The following IGFBP3 variants were observed in gnomAD, a reference collection of about 807,000 sequenced individuals.
The protein encoded by IGFBP3 is insulin like growth factor binding protein 3, also known as insulin-like growth factor-binding protein 3.
A neutral mutation model predicts 28.6 loss-of-function variants in IGFBP3; 9 were observed. The observed-to-expected ratio is 0.31, with a 90% CI of 0.19 to 0.55. The LOEUF (loss-of-function observed/expected upper bound fraction) is 0.55. Ranked by LOEUF, IGFBP3 falls within the 20% of genes least tolerant of loss-of-function variation. The pLI is 0.93. For synonymous variants in IGFBP3, 185 were observed against 188.2 expected (o/e 0.98, Z 0.14); for missense variants, 382 against 428.9 (o/e 0.89, Z 0.97).
In IGFBP3 at chr7:45,920,714, G is replaced by A. The variant is rs761015427; in HGVS notation, c.403+24C>T. 2.8e-5 allele frequency: 39 copies of A among 1,372,588 alleles called. No homozygotes were observed. The South Asian group carries it at 4.6e-4, about 16-fold the overall frequency. 85.0% of individuals were successfully genotyped at this position (1,372,588 alleles called of 1,614,324 possible). A position where few individuals can be genotyped will look rare whatever the true frequency, so the allele number is the denominator to read the frequency against. The stretch of plus-strand genomic sequence containing the variant: ...GCCAGTGCGCCGGGTGCTGCACGCA[G>A]CGCACCTGGCGCGGGCGGCTCACCT... On this transcript the variant is annotated intron_variant, in intron 1 of 4. Transcript: ENST00000613132.
chr7:45,916,895 T>G, intron 2 of IGFBP3: 1 of 560,672 alleles, frequency 1.8e-6, no homozygotes, highest in Non-Finnish European at 3.2e-6. Context: ...ATGGAACCAA[T>G]AGCAGGTCAA....
At chr7:45,920,689 G>A in intron 1 of IGFBP3, 49 bp downstream of exon 1, 2 of 1,322,908 alleles carry the variant, frequency 1.5e-6, no homozygotes, top group South Asian at 2.0e-5. Context: ...GCCCTTCGGC[G>A]CCAGTGCGCC....
rs1784678613 is a variant in IGFBP3 at position 45,920,913 on chromosome 7, G to A, written c.228C>T (p.Ser76=). 7.0e-7 allele frequency: 1 copy of A among 1,433,404 alleles called. No homozygotes were observed. The highest frequency in any genetic ancestry group is 9.1e-7 in the Non-Finnish European group (1 of 1,100,688). 88.8% of individuals were successfully genotyped at this position (1,433,404 alleles called of 1,614,324 possible). A position where few individuals can be genotyped will look rare whatever the true frequency, so the allele number is the denominator to read the frequency against. The change falls in exon 1 of 5, where the codon AGC becomes AGT. Residue 76 remains serine (S), a synonymous_variant. Transcript: ENST00000613132. The part of the protein sequence containing the change: ...GCGCCLTCAL[S]EGQPCGIYTE... ...TGTAGATGCCGCACGGCTGGCCCTC[G>A]CTCAGTGCGCACGTCAGGCAGCAGC...
chr7:45,917,291 C>T lies in IGFBP3; in HGVS notation c.552G>A (p.Gln184=). ...GAGACTCGTAGTCAACTTTGTAGCG[C>T]TGGCTGTCTTTAGCATGCCCTTTCT... is the stretch of plus-strand genomic sequence containing the variant. The part of the protein sequence containing the change: ...IIKKGHAKDS[Q]RYKVDYESQS... Residue 184 remains glutamine, a synonymous_variant, in exon 2 of 5, where the codon CAG becomes CAA. Transcript: ENST00000613132. 1 of 1,614,100 alleles carries T rather than the reference C, an allele frequency of 6.2e-7. No homozygotes were observed. Among genetic ancestry groups the T allele is most frequent in the Non-Finnish European group, 8.5e-7 (1 of 1,180,006 alleles).
chr7:45,917,021 A>G (rs905247674), intron 2 of IGFBP3, 192 bp downstream of exon 2: 6 of 600,758 alleles, frequency 1.0e-5, no homozygotes, highest in African/African-American at 1.9e-5. Flanking sequence ...CTTGATCCTC[A>G]TAAGATTCTC....
Position 45,915,014 on chromosome 7 carries a change from C to T in IGFBP3, c.751-69G>A, listed in dbSNP as rs1784591131. The T allele has an allele frequency of 6.4e-6, 10 of 1,570,298 alleles. No individual in the cohort carries two copies. The Admixed American group carries it at 1.4e-4, about 21-fold the overall frequency. On this transcript the variant is annotated intron_variant, in intron 3 of 4. Coordinates refer to ENST00000613132, the MANE Select transcript of IGFBP3 (RefSeq NM_000598.5). Reference sequence around the variant, plus strand: ...TCTGGTGTCAGGTCGGTGGCCAGGGCGCATGATGGTTTGCCAGCGTGACTC... The same window carrying T: ...TCTGGTGTCAGGTCGGTGGCCAGGGTGCATGATGGTTTGCCAGCGTGACTC...
rs1784555418 is a variant in IGFBP3, at chr7:45,912,351, A to T, written c.*1499T>A. ...GATGGTCAATAACAAAGGGAAAGAT[A>T]TTTTTTTAATGGTAAAAACTTTATT... On this transcript the variant is annotated 3_prime_UTR_variant, in exon 5 of 5. Coordinates refer to ENST00000613132, the MANE Select transcript of IGFBP3 (RefSeq NM_000598.5). 1.3e-5 allele frequency: 2 copies of T among 151,948 alleles called. No homozygotes were observed. The highest frequency in any genetic ancestry group is 2.1e-4 in the South Asian group (1 of 4,828). 9.4% of individuals were successfully genotyped at this position (151,948 alleles called of 1,614,324 possible).
chr7:45,920,729 G>C lies in IGFBP3; in HGVS notation c.403+9C>G. 1 of 1,394,404 alleles carries C rather than the reference G, an allele frequency of 7.2e-7. No individual in the cohort carries two copies. Among genetic ancestry groups the C allele is most frequent in the Non-Finnish European group, 9.2e-7 (1 of 1,083,194 alleles). 86.4% of individuals were successfully genotyped at this position (1,394,404 alleles called of 1,614,324 possible). On this transcript the variant is annotated intron_variant, in intron 1 of 4. Transcript: ENST00000613132. ...GCTGCACGCAGCGCACCTGGCGCGG[G>C]CGGCTCACCTGGAGCTGGCGGCGCT... is the stretch of plus-strand genomic sequence containing the variant.
At chr7:45,920,265 G>C (rs1471841257) in intron 1 of IGFBP3, 1 of 159,640 alleles carries the variant, frequency 6.3e-6, no homozygotes, top group Non-Finnish European at 1.4e-5. Context: ...AAACCAAAAG[G>C]CTGTGCAAAG....
In IGFBP3 at chr7:45,913,391, T is replaced by G. The variant is rs1245005883; in HGVS notation, c.*459A>C. 6.6e-6 allele frequency: 1 copy of G among 152,286 alleles called. No homozygotes were observed. The highest frequency in any genetic ancestry group is 1.5e-5 in the Non-Finnish European group (1 of 68,122). 9.4% of individuals were successfully genotyped at this position (152,286 alleles called of 1,614,324 possible). A position where few individuals can be genotyped will look rare whatever the true frequency, so the allele number is the denominator to read the frequency against. ...TGAGCTCCAGGAGCATGCGTTGGGA[T>G]GTCCGGATGACCGGGGTTTAAAGGT... On this transcript the variant is annotated 3_prime_UTR_variant, in exon 5 of 5. Coordinates refer to ENST00000613132, the MANE Select transcript of IGFBP3 (RefSeq NM_000598.5).
chr7:45,917,801 G>A (rs775053463), intron 1 of IGFBP3, among the ~76,000 whole-genome samples: 1 of 152,172 alleles, frequency 6.6e-6, no homozygotes. Flanking sequence ...CTGCAGCGCC[G>A]GCTCAGAAAT....
chr7:45,919,457 C>G (rs1784655636), intron 1 of IGFBP3, among the ~76,000 whole-genome samples: 1 of 152,208 alleles, frequency 6.6e-6, no homozygotes, highest in South Asian at 2.1e-4. Context: ...ATGTTTCAGG[C>G]ATCTTGCCTT....
rs1166718927 is a variant in IGFBP3, at chr7:45,921,155, G to A, written c.-15C>T. The A allele has an allele frequency of 2.0e-6, 3 of 1,503,606 alleles. No homozygotes were observed. Among genetic ancestry groups the A allele is most frequent in the Non-Finnish European group, 2.7e-6 (3 of 1,131,338 alleles). 93.1% of individuals were successfully genotyped at this position (1,503,606 alleles called of 1,614,324 possible). A position where few individuals can be genotyped will look rare whatever the true frequency, so the allele number is the denominator to read the frequency against. The stretch of plus-strand genomic sequence containing the variant: ...GCCCGCTGCATGACGCCTGCAACCG[G>A]GGCACGCTGCTTGGCAGGCTGGGCG... On this transcript the variant is annotated 5_prime_UTR_variant, in exon 1 of 5. Coordinates refer to ENST00000613132, the MANE Select transcript of IGFBP3 (RefSeq NM_000598.5).
At position 45,918,115 on chromosome 7, in the gene IGFBP3, T is replaced by C. The variant is rs959948523; in HGVS notation, c.404-676A>G. 2.8e-4 allele frequency among the ~76,000 whole-genome samples: 42 copies of C among 152,154 alleles called. 1 individual carries two copies. On this transcript the variant is annotated intron_variant, in intron 1 of 4. Transcript: ENST00000613132. ...TGGTGGCTTGTTTTCTAGGTCCCCG[T>C]TACATCTCTAAAACTCAAGGTCTAC... is the stretch of plus-strand genomic sequence containing the variant.
chr7:45,915,341 T>C (rs1784596009), intron 3 of IGFBP3: 2 of 188,412 alleles, frequency 1.1e-5, no homozygotes, highest in African/African-American at 2.4e-5. Context: ...AGTATGACTT[T>C]GTTGAATGAA....
intron 1 of IGFBP3, among the ~76,000 whole-genome samples, chr7:45,919,538 G>C (rs901729305): frequency 1.3e-5 from 2 of 152,128 alleles, no homozygotes; most frequent in African/African-American, 4.8e-5. Context: ...CTTCACCCGG[G>C]CGTGGAACTC....
Position 45,916,682 on chromosome 7 carries a change from G to A in IGFBP3, c.631-15C>T, listed in dbSNP as rs2116577313. On this transcript the variant is annotated splice_polypyrimidine_tract_variant and intron_variant, in intron 2 of 4. Transcript: ENST00000613132. Reference sequence around the variant, plus strand: ...CGGCAGGGACCCTGGGGATCAGGAAGGACCAGAGCAACAGAGTCACAGTTT... The same window carrying A: ...CGGCAGGGACCCTGGGGATCAGGAAAGACCAGAGCAACAGAGTCACAGTTT... The A allele has an allele frequency of 6.2e-7, 1 of 1,606,874 alleles. No homozygotes were observed. The highest frequency in any genetic ancestry group is 2.2e-5 in the East Asian group (1 of 44,616).
chr7:45,917,161 C>A, intron 2 of IGFBP3, 52 bp downstream of exon 2: 1 of 1,461,100 alleles, frequency 6.8e-7, no homozygotes, highest in Non-Finnish European at 9.6e-7. Flanking sequence ...CTCTGAGTAC[C>A]CAGGCTTGGC....
At chr7:45,916,405 T>A (rs1429031629) in intron 3 of IGFBP3, 143 bp downstream of exon 3, 4 of 730,220 alleles carry the variant, frequency 5.5e-6, no homozygotes, top group African/African-American at 5.2e-5. Flanking sequence ...TCTGACCTCC[T>A]GAGACTGGCA....
Sources: gnomAD v4.1 joint callset for allele counts (sites outside exome capture counted in the v4.1 genomes callset) on GRCh38, gnomAD v4.1.1 for gene constraint, MANE v1.5 for transcripts, NCBI Gene and HGNC (gene_info 2026-07-23, HGNC 2026-07-21) for gene names.